The following HDAC4 variants were observed in gnomAD, a reference collection of about 807,000 sequenced individuals.
HDAC4 encodes histone deacetylase 4, also known as histone deacetylase A.
HDAC4 carries 16 observed loss-of-function variants against 135.1 expected under a neutral mutation model. That is an observed-to-expected ratio of 0.12 (90% CI 0.08 to 0.18). The LOEUF is 0.18. Among genes scored for constraint, HDAC4 ranks in the 10% least tolerant of loss-of-function variants. HDAC4 has a pLI of 1.00. For missense variants in HDAC4, 1,143 were observed against 1,511.8 expected (o/e 0.76, Z 4.05); for synonymous variants, 685 against 653.4 (o/e 1.05, Z -0.74).
At chr2:239,320,382 C>CAAAAA (rs11343522) in intron 2 of HDAC4, among the ~76,000 whole-genome samples, 3 of 61,296 alleles carry the variant, frequency 4.9e-5, no homozygotes, top group Non-Finnish European at 6.4e-5. Context: ...GACTTCATCT[C>CAAAAA]AAAAAAAAAA....
At chr2:239,148,065 G>A (rs1158097340) in intron 7 of HDAC4, among the ~76,000 whole-genome samples, 2 of 152,184 alleles carry the variant, frequency 1.3e-5, no homozygotes, top group African/African-American at 4.8e-5. Flanking sequence ...CTGATGCAAT[G>A]TCCAGCGGCC....
intron 8 of HDAC4, among the ~76,000 whole-genome samples, chr2:239,142,219 AAGC>A (rs1354767944): frequency 6.6e-6 from 1 of 152,118 alleles, no homozygotes; most frequent in African/African-American, 2.4e-5. Context: ...GACTGAGAAA[AAGC>A]AGAGTATCCA....
intron 7 of HDAC4, among the ~76,000 whole-genome samples, chr2:239,145,328 T>G (rs1446693126): frequency 6.6e-6 from 1 of 152,006 alleles, no homozygotes; most frequent in Admixed American, 6.6e-5. Flanking sequence ...CATCCCAACA[T>G]CTGCGCCGGC....
Position 239,102,759 on chromosome 2 carries a change from G to C in HDAC4, c.2233+17C>G. On this transcript the variant is annotated intron_variant, in intron 16 of 26. Transcript: ENST00000543185. ...ACTTCAAACCCAATATGGGAGGAAA[G>C]GAAGGTCCTGAAATACCTAGAAGTT... 1 of 1,613,682 alleles carries C rather than the reference G, an allele frequency of 6.2e-7. No individual in the cohort carries two copies. Among genetic ancestry groups the C allele is most frequent in the Non-Finnish European group, 8.5e-7 (1 of 1,179,952 alleles).
chr2:239,084,339 T>C, intron 19 of HDAC4, 97 bp from the exon 20 acceptor site: 4 of 811,198 alleles, frequency 4.9e-6, no homozygotes, highest in Non-Finnish European at 8.4e-6. Context: ...CACGCAGACC[T>C]AAGAGGTCTC....
intron 18 of HDAC4, among the ~76,000 whole-genome samples, 158 bp from the exon 19 acceptor site, chr2:239,087,772 C>T (rs2036121083): frequency 6.6e-6 from 1 of 152,186 alleles, no homozygotes; most frequent in African/African-American, 2.4e-5. Flanking sequence ...GGATGCAGGG[C>T]CAGCTGGGAG....
chr2:239,233,555 G>A (rs1346057406), intron 3 of HDAC4, among the ~76,000 whole-genome samples: 2 of 151,996 alleles, frequency 1.3e-5, no homozygotes, highest in Non-Finnish European at 2.9e-5. Flanking sequence ...CAAAGCACAT[G>A]ATATGCTCAC....
intron 1 of HDAC4, among the ~76,000 whole-genome samples, chr2:239,392,721 T>C (rs894635577): frequency 1.3e-5 from 2 of 152,134 alleles, no homozygotes; most frequent in East Asian, 1.9e-4. Context: ...AAGTCCTCAA[T>C]AGCCAGCTGG....
chr2:239,075,542 G>A (rs1347111260), intron 22 of HDAC4, among the ~76,000 whole-genome samples: 1 of 152,188 alleles, frequency 6.6e-6, no homozygotes, highest in Non-Finnish European at 1.5e-5. Context: ...CCATGACTGT[G>A]GTGCCCAGAG....
intron 2 of HDAC4, among the ~76,000 whole-genome samples, chr2:239,277,613 G>A (rs1457282011): frequency 2.6e-5 from 4 of 152,176 alleles, no homozygotes; most frequent in East Asian, 3.9e-4. Flanking sequence ...CTCACCGCAC[G>A]CATCCCCGGA....
chr2:239,132,962 C>T (rs1349197489), intron 11 of HDAC4, among the ~76,000 whole-genome samples: 1 of 152,170 alleles, frequency 6.6e-6, no homozygotes, highest in Non-Finnish European at 1.5e-5. Context: ...CCAGAGAGAT[C>T]CGCGTGCCTG....
intron 1 of HDAC4, among the ~76,000 whole-genome samples, chr2:239,395,660 T>TA (rs1011922055): frequency 1.3e-5 from 2 of 152,174 alleles, no homozygotes; most frequent in Non-Finnish European, 2.9e-5. Context: ...CCCATGTACT[T>TA]AAAACCAGGA....
At chr2:239,204,862 A>T (rs2045953122) in intron 3 of HDAC4, among the ~76,000 whole-genome samples, 1 of 152,142 alleles carries the variant, frequency 6.6e-6, no homozygotes, top group Non-Finnish European at 1.5e-5. Context: ...GTTTTCAGAC[A>T]CCAAAGCCTC....
rs1473743355 is a variant in HDAC4 at position 239,090,012 on chromosome 2, C to T, written c.2385G>A (p.Leu795=). ...ELVFKVATGE[L]KNGFAVVRPP... ...CACTGTCCAGGCCCCGACTGACCTT[C>T]AGCTCCCCTGTGGCCACCTTGAAGA... Residue 795 remains leucine, a synonymous_variant, in exon 18 of 27, where the codon CTG becomes CTA. Coordinates refer to ENST00000543185, the MANE Select transcript of HDAC4 (RefSeq NM_001378414.1). The T allele has an allele frequency of 6.2e-7, 1 of 1,612,440 alleles. No homozygotes were observed. The highest frequency in any genetic ancestry group is 8.5e-7 in the Non-Finnish European group (1 of 1,178,660).
At chr2:239,359,887 C>A (rs755882193) in intron 1 of HDAC4, among the ~76,000 whole-genome samples, 2 of 152,182 alleles carry the variant, frequency 1.3e-5, no homozygotes, top group Non-Finnish European at 2.9e-5. Context: ...TCTATGAACC[C>A]TTCTTTCTGG....
chr2:239,201,917 C>A (rs747722773), intron 3 of HDAC4, among the ~76,000 whole-genome samples: 85 of 152,120 alleles, frequency 5.6e-4, no homozygotes, highest in Non-Finnish European at 1.1e-3. Flanking sequence ...TTCTTACTGG[C>A]AGAAAAAAAG....
chr2:239,225,588 A>G (rs2047195242), intron 3 of HDAC4, among the ~76,000 whole-genome samples: 2 of 152,222 alleles, frequency 1.3e-5, no homozygotes, highest in Non-Finnish European at 2.9e-5. Flanking sequence ...GAGGGAAGCC[A>G]GGAAGGCGGG....
chr2:239,159,471 ACACGCACACCC>A (rs2042647263), intron 6 of HDAC4, among the ~76,000 whole-genome samples: 1 of 127,642 alleles, frequency 7.8e-6, no homozygotes, highest in Non-Finnish European at 1.7e-5. Flanking sequence ...ACACCCACTT[ACACGCACACCC>A]CACCCACACC....
At position 239,115,608 on chromosome 2, in the gene HDAC4, G is replaced by A. The variant is rs183361676; in HGVS notation, c.1534-298C>T. On this transcript the variant is annotated intron_variant, in intron 12 of 26. Transcript: ENST00000543185. The surrounding 1 kb of genome is among the most constrained non-coding windows in gnomAD (Gnocchi z 6.3). ...AAGCACCTCTTCTGTGTCAGGCACC[G>A]AGAAACAGAAAAGAAGCTGCAGGTG... 5.3e-5 allele frequency among the ~76,000 whole-genome samples: 8 copies of A among 152,124 alleles called. 1 individual carries two copies. Among genetic ancestry groups the A allele is most frequent in the Non-Finnish European group, 7.4e-5 (5 of 68,016 alleles).
Sources: allele counts gnomAD v4.1 joint callset (sites outside exome capture counted in the v4.1 genomes callset), GRCh38; gene constraint gnomAD v4.1.1; non-coding constraint Gnocchi (gnomAD v3.1); transcripts MANE v1.5; gene names NCBI Gene and HGNC (gene_info 2026-07-23, HGNC 2026-07-21).